The following ANKRD11 variants were observed in gnomAD, a reference collection of about 807,000 sequenced individuals.
The protein encoded by ANKRD11 is ankyrin repeat domain 11, also known as ankyrin repeat domain-containing protein 11.
A neutral mutation model predicts 195.7 loss-of-function variants in ANKRD11; 17 were observed. That is an observed-to-expected ratio of 0.09 (90% CI 0.06 to 0.13). The LOEUF (loss-of-function observed/expected upper bound fraction) is 0.13. Ranked by LOEUF, ANKRD11 falls within the 10% of genes least tolerant of loss-of-function variation. The pLI is 1.00. For synonymous variants in ANKRD11, 1,953 were observed against 1,528.1 expected, an observed-to-expected ratio of 1.28 and a Z score of -6.49; for missense variants, 3,735 against 3,566.1, an observed-to-expected ratio of 1.05 and a Z score of -1.21.
chr16:89,465,965 C>A (rs1597494960), intron 1 of ANKRD11, among the ~76,000 whole-genome samples: 2 of 152,202 alleles, frequency 1.3e-5, no homozygotes, highest in East Asian at 3.8e-4. Context: ...CCGCCTCGGC[C>A]TCCCAAAGTG....
intron 2 of ANKRD11, among the ~76,000 whole-genome samples, chr16:89,413,113 T>C (rs1385618063): frequency 6.6e-6 from 1 of 152,182 alleles, no homozygotes; most frequent in Non-Finnish European, 1.5e-5. Flanking sequence ...GTGCCCATTT[T>C]CACATGAACA....
intron 4 of ANKRD11, among the ~76,000 whole-genome samples, chr16:89,304,250 G>A (rs2036023797): frequency 6.6e-6 from 1 of 152,202 alleles, no homozygotes; most frequent in African/African-American, 2.4e-5. Flanking sequence ...GTGTGCACAT[G>A]AACACACATG....
At position 89,295,583 on chromosome 16, in the gene ANKRD11, G is replaced by A. The variant is rs569298538; in HGVS notation, c.227-4400C>T. Among the ~76,000 whole-genome samples the A allele has an allele frequency of 3.3e-5, 5 of 152,314 alleles. No individual in the cohort carries two copies. The East Asian group carries it at 9.7e-4, about 29-fold the overall frequency. On this transcript the variant is annotated intron_variant, in intron 4 of 12. Coordinates refer to ENST00000301030, the MANE Select transcript of ANKRD11 (RefSeq NM_013275.6). ...CTGCTGGAGCACGGCCTTGGCCTGG[G>A]GCAGCAGGGGCCACAGTGGACAATG...
chr16:89,289,613 C>T (rs943210536), intron 6 of ANKRD11, among the ~76,000 whole-genome samples: 1 of 152,228 alleles, frequency 6.6e-6, no homozygotes. Context: ...GTCGACCCAG[C>T]CGGCCTCCCG....
chr16:89,268,498 AGTC>A lies in ANKRD11; in HGVS notation c.7969_7971del (p.Asp2657del). On this transcript the variant is annotated inframe_deletion, in exon 13 of 13. Coordinates refer to ENST00000301030, the MANE Select transcript of ANKRD11 (RefSeq NM_013275.6). Reference sequence around the variant, plus strand: ...CGGTGTCATGCCGGCAACAATACAAAGTCGTCGTTGACGTCGACCATGGGCACG... The same window carrying A: ...CGGTGTCATGCCGGCAACAATACAAAGTCGTTGACGTCGACCATGGGCACG... 1 of 1,362,634 alleles carries A rather than the reference AGTC, an allele frequency of 7.3e-7. No homozygotes were observed. The highest frequency in any genetic ancestry group is 1.0e-6 in the Non-Finnish European group (1 of 985,466). 84.4% of individuals were successfully genotyped at this position (1,362,634 alleles called of 1,614,324 possible). A position where few individuals can be genotyped will look rare whatever the true frequency, so the allele number is the denominator to read the frequency against.
Position 89,291,276 on chromosome 16 carries a change from C to G in ANKRD11, c.227-93G>C, listed in dbSNP as rs1315488632. On this transcript the variant is annotated intron_variant, in intron 4 of 12. Transcript: ENST00000301030. This position sits in a 1 kb window ranked among gnomAD's most constrained non-coding sequence, Gnocchi z 5.3. ...TTACCTAATGTTACGGAGCCCCCTG[C>G]GTCCACCTGACAGCTGACAGAGCAG... is the stretch of plus-strand genomic sequence containing the variant. 3.9e-5 allele frequency: 57 copies of G among 1,472,074 alleles called. No homozygotes were observed. The highest frequency in any genetic ancestry group is 4.9e-5 in the Non-Finnish European group (53 of 1,074,122). The allele number at this position is 1,472,074 out of a possible 1,614,324, so 91.2% of individuals were successfully genotyped here.
intron 7 of ANKRD11, chr16:89,287,038 C>T (rs898402460): frequency 2.2e-5 from 29 of 1,289,548 alleles, no homozygotes; most frequent in Non-Finnish European, 2.4e-5. Flanking sequence ...TACACAAAAC[C>T]TCAGGCTTAC....
chr16:89,274,797 A>C lies in ANKRD11; in HGVS notation c.7713+17T>G. ...AGGCACTTGGACTCATGGGCCTGGC[A>C]TGCAGACGGGCCCTACCTGGCTCTC... is the stretch of plus-strand genomic sequence containing the variant. On this transcript the variant is annotated intron_variant, in intron 11 of 12. Transcript: ENST00000301030. 6.2e-7 allele frequency: 1 copy of C among 1,607,946 alleles called. No homozygotes were observed. Among genetic ancestry groups the C allele is most frequent in the Non-Finnish European group, 8.5e-7 (1 of 1,179,810 alleles).
chr16:89,298,572 G>A (rs2035603724), intron 4 of ANKRD11, among the ~76,000 whole-genome samples: 2 of 152,212 alleles, frequency 1.3e-5, no homozygotes, highest in Non-Finnish European at 2.9e-5. Context: ...TGCTCCCACG[G>A]CAGCCACCAC....
At chr16:89,375,148 C>A (rs2040365209) in intron 2 of ANKRD11, among the ~76,000 whole-genome samples, 1 of 152,086 alleles carries the variant, frequency 6.6e-6, no homozygotes, top group Non-Finnish European at 1.5e-5. Flanking sequence ...TACCACACTG[C>A]ACGCTGTAAT....
intron 2 of ANKRD11, among the ~76,000 whole-genome samples, chr16:89,349,774 T>C (rs1567684266): frequency 6.6e-6 from 1 of 151,832 alleles, no homozygotes; most frequent in African/African-American, 2.4e-5. Context: ...AAGACAAAAC[T>C]ATGAAGTTGG....
chr16:89,278,955 G>A (rs567807902), intron 9 of ANKRD11, 117 bp downstream of exon 9: 119 of 1,481,498 alleles, frequency 8.0e-5, no homozygotes, highest in East Asian at 1.2e-4. Context: ...GTGGCAGAAG[G>A]TCGAGAGAGG....
chr16:89,381,353 A>G (rs77828406), intron 2 of ANKRD11, among the ~76,000 whole-genome samples: 7,170 of 55,796 alleles, frequency 0.13, 355 homozygotes, highest in Middle Eastern at 0.18. Flanking sequence ...AAAAAAAAAA[A>G]AGGGGTGAGA....
rs189297725 is a variant in ANKRD11 at position 89,280,458 on chromosome 16, G to A, written c.6084C>T (p.Pro2028=). Residue 2028 remains proline (P), a synonymous_variant, in exon 9 of 13, where the codon CCC becomes CCT. Transcript: ENST00000301030. The stretch of plus-strand genomic sequence containing the variant: ...CGTCCTCCAGCCCCGGCTCAGCGAC[G>A]GGCAGAGCGTACGGGGCAGGAGAGG... ...PPASPAPYAL[P]VAEPGLEDVK... is the part of the protein sequence containing the mutation. 2.9e-3 allele frequency: 4,682 copies of A among 1,594,300 alleles called. 121 individuals are homozygous for A. In the African/African-American group the frequency reaches 0.057, roughly 20 times the overall value.
intron 2 of ANKRD11, among the ~76,000 whole-genome samples, chr16:89,344,999 C>A (rs1376484995): frequency 6.6e-6 from 1 of 152,194 alleles, no homozygotes; most frequent in African/African-American, 2.4e-5. Flanking sequence ...ACAGCAGAAG[C>A]AGGCGCAGAT....
rs761715813 is a variant in ANKRD11 at position 89,279,321 on chromosome 16, C to T, written c.7221G>A (p.Thr2407=). Reference sequence around the variant, plus strand: ...CCAGCGTCTGCTGGATCACCTCCCGCGTCTGCTGCGTGGACGTGTTCAGCT... The same window carrying T: ...CCAGCGTCTGCTGGATCACCTCCCGTGTCTGCTGCGTGGACGTGTTCAGCT... ...QQQLNTSTQQ[T]REVIQQTLAA... is the part of the protein sequence containing the mutation. The change falls in exon 9 of 13, where the codon ACG becomes ACA. Residue 2407 remains threonine (T), a synonymous_variant. Coordinates refer to ENST00000301030, the MANE Select transcript of ANKRD11 (RefSeq NM_013275.6). This position sits in a 1 kb window ranked among gnomAD's most constrained non-coding sequence, Gnocchi z 5.6. 4 of 1,611,824 alleles carry T rather than the reference C, an allele frequency of 2.5e-6. No individual in the cohort carries two copies. The highest frequency in any genetic ancestry group is 2.2e-5 in the South Asian group (2 of 90,942).
At chr16:89,352,519 C>A (rs2039269594) in intron 2 of ANKRD11, among the ~76,000 whole-genome samples, 1 of 152,188 alleles carries the variant, frequency 6.6e-6, no homozygotes, top group Non-Finnish European at 1.5e-5. Flanking sequence ...CTGGCAAGCT[C>A]AACACAGTGA....
chr16:89,281,406 G>A lies in ANKRD11; in HGVS notation c.5136C>T (p.Cys1712=), dbSNP rs756644111. 1.9e-6 allele frequency: 3 copies of A among 1,610,130 alleles called. No homozygotes were observed. The highest frequency in any genetic ancestry group is 2.5e-6 in the Non-Finnish European group (3 of 1,177,072). Residue 1712 remains cysteine (C), a synonymous_variant, in exon 9 of 13, where the codon TGC becomes TGT. Transcript: ENST00000301030. This position sits in a 1 kb window ranked among gnomAD's most constrained non-coding sequence, Gnocchi z 5.5. ...GVPTPTSVLS[C]PSYEEVMHTP... is the part of the protein sequence containing the mutation. Reference sequence around the variant, plus strand: ...TGTGCATCACCTCCTCGTAGCTGGGGCAGGATAGCACCGACGTAGGGGTGG... The same window carrying A: ...TGTGCATCACCTCCTCGTAGCTGGGACAGGATAGCACCGACGTAGGGGTGG...
chr16:89,283,681 G>A lies in ANKRD11; in HGVS notation c.2861C>T (p.Ala954Val), dbSNP rs1200141905. 1 of 1,612,764 alleles carries A rather than the reference G, an allele frequency of 6.2e-7. No homozygotes were observed. Among genetic ancestry groups the A allele is most frequent in the Non-Finnish European group, 8.5e-7 (1 of 1,180,032 alleles). The change falls in exon 9 of 13, where the codon GCC becomes GTC. Residue 954 changes from alanine (A) to valine (V), a missense_variant. By Grantham distance (64) the Ala-to-Val change is moderately conservative. Coordinates refer to ENST00000301030, the MANE Select transcript of ANKRD11 (RefSeq NM_013275.6). The surrounding 1 kb of genome is among the most constrained non-coding windows in gnomAD (Gnocchi z 4.3). The part of the protein sequence containing the change: ...SAEAGRDRKD[A>V]LESCKERRDG... ...CCTGCGCTCCTTGCAGCTCTCCAGG[G>A]CGTCCTTTCTGTCCCGCCCGGCCTC... is the stretch of plus-strand genomic sequence containing the variant.
Sources: gnomAD v4.1 joint callset for allele counts (sites outside exome capture counted in the v4.1 genomes callset) on GRCh38, gnomAD v4.1.1 for gene constraint, Gnocchi (gnomAD v3.1) non-coding constraint, MANE v1.5 for transcripts, NCBI Gene and HGNC (gene_info 2026-07-23, HGNC 2026-07-21) for gene names.